The following FAM193A variants were observed in gnomAD, a reference collection of about 807,000 sequenced individuals.
The protein encoded by FAM193A is family with sequence similarity 193 member A, also known as protein FAM193A.
Under a neutral mutation model 126.5 loss-of-function variants are expected in FAM193A, and 22 were observed. The observed-to-expected ratio is 0.17, with a 90% confidence interval of 0.12 to 0.25. The LOEUF (loss-of-function observed/expected upper bound fraction) is 0.25, where lower values mean the gene tolerates loss of function less well. Ranked by LOEUF, FAM193A falls within the 10% of genes least tolerant of loss-of-function variation. The pLI is 1.00. For missense variants in FAM193A, 1,675 were observed against 1,672.8 expected, an observed-to-expected ratio of 1.00 and a Z score of -0.02; for synonymous variants, 761 against 646.8, an observed-to-expected ratio of 1.18 and a Z score of -2.68.
intron 15 of FAM193A, 73 bp from the exon 16 acceptor site, chr4:2,693,513 T>G (rs2109278588): frequency 7.0e-7 from 1 of 1,429,878 alleles, no homozygotes; most frequent in Non-Finnish European, 9.6e-7. Flanking sequence ...CTTTGTGTGT[T>G]CTTTCAGATT....
At chr4:2,607,824 G>C in intron 2 of FAM193A, 1 of 571,992 alleles carries the variant, frequency 1.7e-6, no homozygotes, top group Non-Finnish European at 3.0e-6. Context: ...TTATTGACTT[G>C]TGGGATTTCT....
chr4:2,575,303 C>T (rs1000612930), intron 1 of FAM193A, among the ~76,000 whole-genome samples: 5 of 152,104 alleles, frequency 3.3e-5, no homozygotes, highest in Non-Finnish European at 5.9e-5. Context: ...ACATGGTGAT[C>T]ATGGAAGGTT....
At chr4:2,701,981 A>T (rs1044080207) in intron 19 of FAM193A, among the ~76,000 whole-genome samples, 2 of 152,172 alleles carry the variant, frequency 1.3e-5, no homozygotes, top group Admixed American at 6.6e-5. Flanking sequence ...CTTGTTGGTC[A>T]GGCTGGTCTC....
chr4:2,536,410 A>C (rs1284948795), upstream of FAM193A, among the ~76,000 whole-genome samples: 1 of 151,824 alleles, frequency 6.6e-6, no homozygotes, highest in East Asian at 2.0e-4. Flanking sequence ...CGGCCTCGCA[A>C]GGCCTGACGG....
At chr4:2,536,162 C>T (rs867574578), upstream of FAM193A, among the ~76,000 whole-genome samples, 1 of 151,146 alleles carries the variant, frequency 6.6e-6, no homozygotes, top group Non-Finnish European at 1.5e-5. Flanking sequence ...GGGGCGCGGG[C>T]GAGGCGGGCG....
intron 10 of FAM193A, among the ~76,000 whole-genome samples, chr4:2,661,595 A>G (rs1712451516): frequency 1.3e-5 from 2 of 152,230 alleles, no homozygotes; most frequent in Middle Eastern, 3.4e-3. Context: ...TGCTGTTTGT[A>G]CTTACCTCTG....
chr4:2,663,795 C>T (rs1244014190), intron 12 of FAM193A, among the ~76,000 whole-genome samples: 1 of 152,102 alleles, frequency 6.6e-6, no homozygotes, highest in Non-Finnish European at 1.5e-5. Context: ...GGCAAAACCC[C>T]GTCTCTACTA....
intron 2 of FAM193A, among the ~76,000 whole-genome samples, chr4:2,604,611 G>A (rs1461710945): frequency 1.3e-5 from 2 of 151,908 alleles, no homozygotes; most frequent in Admixed American, 6.6e-5. Context: ...CCTGAAGGGC[G>A]TTGTTTTCTG....
intron 5 of FAM193A, among the ~76,000 whole-genome samples, chr4:2,637,907 G>T (rs528843873): frequency 1.3e-5 from 2 of 152,348 alleles, no homozygotes; most frequent in East Asian, 3.9e-4. Flanking sequence ...CGGTTGTGAA[G>T]TGAGTCTGAT....
chr4:2,669,971 C>T (rs1049247989), intron 12 of FAM193A, among the ~76,000 whole-genome samples: 3 of 152,192 alleles, frequency 2.0e-5, no homozygotes, highest in Non-Finnish European at 4.4e-5. Flanking sequence ...CACTGAGCTT[C>T]TTGGATCTGT....
intron 3 of FAM193A, chr4:2,625,604 G>C (rs1207361075): frequency 2.5e-6 from 1 of 399,496 alleles, no homozygotes; most frequent in Non-Finnish European, 4.5e-6. Context: ...CAGAACAAGA[G>C]AAGGAGTCCT....
intron 1 of FAM193A, among the ~76,000 whole-genome samples, chr4:2,549,399 T>TC (rs1207019056): frequency 3.6e-5 from 5 of 137,752 alleles, no homozygotes; most frequent in African/African-American, 5.3e-5. Context: ...TTTTTTCTTT[T>TC]TTTTTTTTTT....
rs35697253 is a variant in FAM193A, at chr4:2,726,950, C to CAA, written c.4455-4806_4455-4805dup. Among the ~76,000 whole-genome samples, 949 of 103,954 alleles carry CAA rather than the reference C, an allele frequency of 9.1e-3. 6 individuals carry two copies. Among genetic ancestry groups the CAA allele is most frequent in the Middle Eastern group, 0.039 (6 of 152 alleles). The allele number at this position is 103,954 out of a possible 152,430, so 68.2% of individuals were successfully genotyped here. ...GGGCAACAAGAGCAAAACTCCGTCC[C>CAA]AAAAAAAAAAAAAAAAAAAATTGTG... On this transcript the variant is annotated intron_variant, in intron 20 of 20. Transcript: ENST00000637812.
In FAM193A at chr4:2,639,919, C is replaced by G. The variant is rs183358774; in HGVS notation, c.1163+60C>G. 40 of 1,548,788 alleles carry G rather than the reference C, an allele frequency of 2.6e-5. No individual in the cohort carries two copies. The East Asian group carries it at 7.7e-4, about 30-fold the overall frequency. ...GTGACAGCACAGTCTTTTCTCCTGA[C>G]TGGTGTGCGTGTACCCGAGTACCAC... On this transcript the variant is annotated intron_variant, in intron 6 of 20. Coordinates refer to ENST00000637812, the MANE Select transcript of FAM193A (RefSeq NM_001366318.2).
intron 4 of FAM193A, among the ~76,000 whole-genome samples, chr4:2,628,344 G>A (rs1743188166): frequency 6.6e-6 from 1 of 152,290 alleles, no homozygotes; most frequent in Middle Eastern, 3.4e-3. Flanking sequence ...TCTGTGGTAT[G>A]TGCTTTTATT....
chr4:2,581,417 C>T (rs1458017127), intron 1 of FAM193A, among the ~76,000 whole-genome samples: 1 of 151,426 alleles, frequency 6.6e-6, no homozygotes, highest in African/African-American at 2.4e-5. Context: ...CCACGCCTGG[C>T]TGATTTTTTT....
At chr4:2,626,850 T>C (rs955263148) in intron 4 of FAM193A, among the ~76,000 whole-genome samples, 1 of 152,208 alleles carries the variant, frequency 6.6e-6, no homozygotes, top group Non-Finnish European at 1.5e-5. Flanking sequence ...CTGATAATAA[T>C]ACCTTCCTTT....
intron 1 of FAM193A, among the ~76,000 whole-genome samples, chr4:2,537,556 G>C (rs1166294183): frequency 1.3e-5 from 2 of 152,252 alleles, no homozygotes; most frequent in Non-Finnish European, 2.9e-5. Flanking sequence ...TGATACCCGC[G>C]AGGCCCGGGC....
chr4:2,657,408 G>T (rs1293125573), intron 7 of FAM193A, among the ~76,000 whole-genome samples: 1 of 152,040 alleles, frequency 6.6e-6, no homozygotes, highest in East Asian at 1.9e-4. Context: ...CCTGTTAATA[G>T]CTCTTCCTTT....
Sources: allele counts gnomAD v4.1 joint callset (sites outside exome capture counted in the v4.1 genomes callset), GRCh38; gene constraint gnomAD v4.1.1; transcripts MANE v1.5; gene names NCBI Gene and HGNC (gene_info 2026-07-23, HGNC 2026-07-21).